TMEM259: variants seen among roughly 807,000 people sequenced by gnomAD.
TMEM259 encodes the protein membralin.
TMEM259 carries 26 observed loss-of-function variants against 46.7 expected under a neutral mutation model. The observed-to-expected ratio is 0.56, with a 90% CI of 0.41 to 0.77. The LOEUF (loss-of-function observed/expected upper bound fraction) is 0.77. Ranked by LOEUF, TMEM259 falls within the 30% of genes least tolerant of loss-of-function variation. TMEM259 has a pLI of 0.00. For synonymous variants in TMEM259, 494 were observed against 395.1 expected, an observed-to-expected ratio of 1.25 and a Z score of -2.97; for missense variants, 930 against 900.5, an observed-to-expected ratio of 1.03 and a Z score of -0.42.
Position 1,009,998 on chromosome 19 carries a change from G to A in TMEM259, c.*352C>T, listed in dbSNP as rs2145551572. Reference sequence around the variant, plus strand: ...GGGCGCGAGGCCCCACCCCAAGCCGGCCTCTCCTCCACACCTCCGCCTTGC... The same window carrying A: ...GGGCGCGAGGCCCCACCCCAAGCCGACCTCTCCTCCACACCTCCGCCTTGC... On this transcript the variant is annotated 3_prime_UTR_variant, in exon 11 of 11. Coordinates refer to ENST00000356663, the MANE Select transcript of TMEM259 (RefSeq NM_001033026.2). 6.0e-6 allele frequency: 2 copies of A among 334,258 alleles called. No individual in the cohort carries two copies. Among genetic ancestry groups the A allele is most frequent in the Non-Finnish European group, 1.1e-5 (2 of 184,034 alleles). The allele number at this position is 334,258 out of a possible 1,614,324, so 20.7% of individuals were successfully genotyped here.
At chr19:1,015,076 T>A (rs564646711) in intron 1 of TMEM259, among the ~76,000 whole-genome samples, 1 of 152,176 alleles carries the variant, frequency 6.6e-6, no homozygotes, top group Non-Finnish European at 1.5e-5. Flanking sequence ...TCCCCTGATC[T>A]CACCACCTGA....
At position 1,012,449 on chromosome 19, in the gene TMEM259, C is replaced by G. The variant is rs1316482422; in HGVS notation, c.718+14G>C. 3.8e-6 allele frequency: 6 copies of G among 1,582,510 alleles called. No individual in the cohort carries two copies. Among genetic ancestry groups the G allele is most frequent in the Admixed American group, 1.8e-5 (1 of 56,178 alleles). On this transcript the variant is annotated intron_variant, in intron 4 of 10. Coordinates refer to ENST00000356663, the MANE Select transcript of TMEM259 (RefSeq NM_001033026.2). ...CCGCCATGGAGCTCCCCAAGCCCAGCAGCTCAGACTCACCCAGGGTGACCA... is the reference window on the plus strand; with the variant it reads ...CCGCCATGGAGCTCCCCAAGCCCAGGAGCTCAGACTCACCCAGGGTGACCA...
chr19:1,010,964 C>G, intron 10 of TMEM259, 69 bp from the exon 11 acceptor site: 1 of 1,556,968 alleles, frequency 6.4e-7, no homozygotes, highest in African/African-American at 1.4e-5. Context: ...TCCCAGAGGG[C>G]AGCCCACCCG....
At position 1,009,729 on chromosome 19, in the gene TMEM259, C is replaced by A; in HGVS notation, c.*621G>T. On this transcript the variant is annotated 3_prime_UTR_variant, in exon 11 of 11. Transcript: ENST00000356663. ...AATTAAATAGAATGGAATGAGCGCT[C>A]CTCCGCATTCCTCCCCGAGTGACTG... is the stretch of plus-strand genomic sequence containing the variant. 1 of 818,902 alleles carries A rather than the reference C, an allele frequency of 1.2e-6. No homozygotes were observed. The highest frequency in any genetic ancestry group is 1.7e-6 in the Non-Finnish European group (1 of 584,090). The allele number at this position is 818,902 out of a possible 1,614,324, so 50.7% of individuals were successfully genotyped here.
rs2144592638 is a variant in TMEM259, at chr19:1,020,800, C to T, written c.197G>A (p.Arg66His). Residue 66 changes from arginine (R) to histidine (H), a missense_variant, in exon 1 of 11, where the codon CGT becomes CAT. Physicochemically the swap from Arg to His is conservative, Grantham distance 29. Coordinates refer to ENST00000356663, the MANE Select transcript of TMEM259 (RefSeq NM_001033026.2). This position sits in a 1 kb window ranked among gnomAD's most constrained non-coding sequence, Gnocchi z 4.0. ...YSRLFPPAFR[R>H]LFEFFVLLKA... is the part of the protein sequence containing the mutation. Reference sequence around the variant, plus strand: ...GAGCAGCACGAAGAACTCGAAGAGACGGCGGAAGGCGGGCGGGAAGAGCCG... The same window carrying T: ...GAGCAGCACGAAGAACTCGAAGAGATGGCGGAAGGCGGGCGGGAAGAGCCG... The T allele has an allele frequency of 2.2e-6, 3 of 1,348,994 alleles. No individual in the cohort carries two copies. The highest frequency in any genetic ancestry group is 4.3e-5 in the South Asian group (2 of 46,354). The allele number at this position is 1,348,994 out of a possible 1,614,324, so 83.6% of individuals were successfully genotyped here. A position where few individuals can be genotyped will look rare whatever the true frequency, so the allele number is the denominator to read the frequency against.
intron 1 of TMEM259, among the ~76,000 whole-genome samples, chr19:1,014,894 G>A (rs935045748): frequency 5.9e-5 from 9 of 152,154 alleles, no homozygotes; most frequent in Middle Eastern, 3.2e-3. Context: ...CCCACCAAGT[G>A]GAGCACACCA....
At chr19:1,015,850 C>T (rs1255465492) in intron 1 of TMEM259, among the ~76,000 whole-genome samples, 1 of 152,202 alleles carries the variant, frequency 6.6e-6, no homozygotes, top group Non-Finnish European at 1.5e-5. Context: ...GCTGGGGCCT[C>T]CTCTCCAGAA....
chr19:1,021,036 A>G lies in TMEM259; in HGVS notation c.-40T>C. On this transcript the variant is annotated 5_prime_UTR_variant, in exon 1 of 11. Coordinates refer to ENST00000356663, the MANE Select transcript of TMEM259 (RefSeq NM_001033026.2). ...CGCCCTAACGACCCGCAAGTGTCCG[A>G]GGGCGCCTCCCGGCCGCCATCGGCC... 1 of 1,325,794 alleles carries G rather than the reference A, an allele frequency of 7.5e-7. No individual in the cohort carries two copies. The highest frequency in any genetic ancestry group is 1.8e-5 in the South Asian group (1 of 57,020). 82.1% of individuals were successfully genotyped at this position (1,325,794 alleles called of 1,614,324 possible). A position where few individuals can be genotyped will look rare whatever the true frequency, so the allele number is the denominator to read the frequency against.
chr19:1,018,831 CA>C (rs901638714), intron 1 of TMEM259, among the ~76,000 whole-genome samples: 8 of 151,778 alleles, frequency 5.3e-5, no homozygotes, highest in African/African-American at 1.9e-4. Flanking sequence ...ACTAAAAAGA[CA>C]AAAAAATTAG....
Position 1,010,681 on chromosome 19 carries a change from C to T in TMEM259, c.1532G>A (p.Gly511Glu). ...CGCCGCTGCCACAGGCCCGGGACTCCCGCTGGCCCCAGGCGAGACGGGGCC... is the reference window on the plus strand; with the variant it reads ...CGCCGCTGCCACAGGCCCGGGACTCTCGCTGGCCCCAGGCGAGACGGGGCC... ...ALGPVSPGAS[G>E]SPGPVAAAPS... is the part of the protein sequence containing the mutation. The change falls in exon 11 of 11, where the codon GGG becomes GAG. Residue 511 changes from glycine to glutamate, a missense_variant. By Grantham distance (98) the Gly-to-Glu change is moderately conservative (BLOSUM62 -2). Coordinates refer to ENST00000356663, the MANE Select transcript of TMEM259 (RefSeq NM_001033026.2). 1.3e-6 allele frequency: 2 copies of T among 1,532,882 alleles called. No homozygotes were observed. The highest frequency in any genetic ancestry group is 1.7e-6 in the Non-Finnish European group (2 of 1,145,278). 95.0% of individuals were successfully genotyped at this position (1,532,882 alleles called of 1,614,324 possible).
At position 1,011,774 on chromosome 19, in the gene TMEM259, G is replaced by A. The variant is rs533634735; in HGVS notation, c.967C>T (p.Arg323Trp). 1.3e-5 allele frequency: 20 copies of A among 1,565,326 alleles called. No individual in the cohort carries two copies. In the South Asian group the frequency reaches 1.5e-4, roughly 12 times the overall value. Residue 323 changes from arginine (R) to tryptophan (W), a missense_variant, in exon 7 of 11, where the codon CGG (arginine) becomes TGG (tryptophan). Physicochemically the swap from Arg to Trp is moderately radical, Grantham distance 101 (BLOSUM62 -3). Transcript: ENST00000356663. ...IFTLSVSMLL[R>W]YSHHQIFVFI... ...ACGAAGATCTGGTGGTGTGAGTACC[G>A]CAGCAGCATGGACACGCTCAGCGTC...
Position 1,010,116 on chromosome 19 carries a change from C to T in TMEM259, c.*234G>A, listed in dbSNP as rs116247697. The stretch of plus-strand genomic sequence containing the variant: ...CTCCAGAACCTTCCGCGGAACCCCA[C>T]CCCCTCTCCTTGCTGACCAGCTCAA... On this transcript the variant is annotated 3_prime_UTR_variant, in exon 11 of 11. Transcript: ENST00000356663. 6.7e-3 allele frequency: 3,368 copies of T among 505,792 alleles called. 112 individuals carry two copies. Among genetic ancestry groups the T allele is most frequent in the African/African-American group, 0.063 (3,105 of 49,184 alleles). 31.3% of individuals were successfully genotyped at this position (505,792 alleles called of 1,614,324 possible).
chr19:1,012,345 G>A (rs1258536396), intron 4 of TMEM259, 118 bp downstream of exon 4: 2 of 1,496,844 alleles, frequency 1.3e-6, no homozygotes, highest in Non-Finnish European at 1.8e-6. Context: ...CGTGCCTGGG[G>A]CGGGGCAGAC....
At chr19:1,010,964 C>A in intron 10 of TMEM259, 69 bp from the exon 11 acceptor site, 1 of 1,556,968 alleles carries the variant, frequency 6.4e-7, no homozygotes, top group African/African-American at 1.4e-5. Flanking sequence ...TCCCAGAGGG[C>A]AGCCCACCCG....
At position 1,014,493 on chromosome 19, in the gene TMEM259, C is replaced by A; in HGVS notation, c.226-20G>T. 1 of 1,597,236 alleles carries A rather than the reference C, an allele frequency of 6.3e-7. No individual in the cohort carries two copies. Among genetic ancestry groups the A allele is most frequent in the Non-Finnish European group, 8.5e-7 (1 of 1,170,652 alleles). ...CAGGGCCTAGGGGGCGGCCGGCAGT[C>A]AGTGGGGCGCCCCAGGGCCAGCTGC... On this transcript the variant is annotated intron_variant, in intron 1 of 10. Transcript: ENST00000356663.
intron 6 of TMEM259, 42 bp from the exon 7 acceptor site, chr19:1,011,840 G>T (rs749267921): frequency 1.4e-5 from 22 of 1,590,754 alleles, no homozygotes; most frequent in Non-Finnish European, 2.6e-6. Context: ...GGCTGCGAGG[G>T]CCTGCTTGGC....
rs1243182388 is a variant in TMEM259 at position 1,011,517 on chromosome 19, G to A, written c.1085-18C>T. The A allele has an allele frequency of 1.0e-5, 16 of 1,543,166 alleles. 1 individual carries two copies. The highest frequency in any genetic ancestry group is 7.2e-5 in the South Asian group (6 of 83,820). ...CTCCATCCCTGCAGGGAGAGGCGGC[G>A]CCGGTTGAAGCGGGCGGGGCGGGGT... On this transcript the variant is annotated intron_variant, in intron 8 of 10. Transcript: ENST00000356663.
intron 4 of TMEM259, 36 bp from the exon 5 acceptor site, chr19:1,012,224 C>T (rs1378964426): frequency 6.4e-7 from 1 of 1,571,462 alleles, no homozygotes. Flanking sequence ...GGGAGCCCCG[C>T]CCAGGCCACC....
rs373234767 is a variant in TMEM259, at chr19:1,010,924, G to A, written c.1318-29C>T. The A allele has an allele frequency of 1.6e-5, 25 of 1,573,934 alleles. 1 individual carries two copies. The highest frequency in any genetic ancestry group is 2.3e-5 in the South Asian group (2 of 88,216). ...CGGGAGGGAGAGTGGGAGTCAGGAC[G>A]GGCCCGCCCCTGCCCCACCCAGCCG... is the stretch of plus-strand genomic sequence containing the variant. On this transcript the variant is annotated intron_variant, in intron 10 of 10. Transcript: ENST00000356663.
Sources: allele counts gnomAD v4.1 joint callset (sites outside exome capture counted in the v4.1 genomes callset), GRCh38; gene constraint gnomAD v4.1.1; non-coding constraint Gnocchi (gnomAD v3.1); transcripts MANE v1.5; gene names NCBI Gene and HGNC (gene_info 2026-07-23, HGNC 2026-07-21).